GRM5: variants seen among roughly 807,000 people sequenced by gnomAD.
The protein encoded by GRM5 is glutamate metabotropic receptor 5.
GRM5 carries 19 observed loss-of-function variants against 83.1 expected under a neutral mutation model. The observed-to-expected ratio is 0.23, with a 90% confidence interval of 0.16 to 0.34. GRM5 has a LOEUF of 0.34. Ranked by LOEUF, GRM5 falls within the 10% of genes least tolerant of loss-of-function variation. The pLI is 1.00. For synonymous variants in GRM5, 675 were observed against 633.6 expected, an observed-to-expected ratio of 1.07 and a Z score of -0.98; for missense variants, 1,160 against 1,588.3, an observed-to-expected ratio of 0.73 and a Z score of 4.58.
intron 2 of GRM5, among the ~76,000 whole-genome samples, chr11:89,025,435 T>A (rs1477800036): frequency 6.6e-6 from 1 of 151,936 alleles, no homozygotes; most frequent in Admixed American, 6.6e-5. Context: ...ATAAGGAGAG[T>A]AGAGTCAATA....
chr11:88,934,870 C>A (rs976320926), intron 2 of GRM5, among the ~76,000 whole-genome samples: 8 of 151,786 alleles, frequency 5.3e-5, no homozygotes, highest in Non-Finnish European at 1.0e-4. Flanking sequence ...CTGAAAAACA[C>A]TGGACTATAG....
At chr11:88,787,507 C>A (rs1050865944) in intron 3 of GRM5, among the ~76,000 whole-genome samples, 13 of 151,930 alleles carry the variant, frequency 8.6e-5, no homozygotes, top group Non-Finnish European at 1.9e-4. Flanking sequence ...GGGGAAATGG[C>A]ATGATTTCCT....
At chr11:88,821,356 A>C (rs1338922208) in intron 3 of GRM5, among the ~76,000 whole-genome samples, 1 of 149,340 alleles carries the variant, frequency 6.7e-6, no homozygotes, top group Non-Finnish European at 1.5e-5. Flanking sequence ...AAAAAAAAAA[A>C]AAAAAAGAAA....
intron 3 of GRM5, among the ~76,000 whole-genome samples, chr11:88,829,234 G>T (rs1159392363): frequency 6.6e-6 from 1 of 152,178 alleles, no homozygotes; most frequent in Non-Finnish European, 1.5e-5. Context: ...GACAAGGCAG[G>T]CAGATCATTT....
chr11:88,514,744 G>T (rs534506850), intron 9 of GRM5, among the ~76,000 whole-genome samples: 22 of 152,252 alleles, frequency 1.4e-4, no homozygotes, highest in African/African-American at 4.3e-4. Context: ...ACTGAGGAAA[G>T]AAGTTTCAAG....
At chr11:88,725,274 T>C (rs918859034) in intron 3 of GRM5, among the ~76,000 whole-genome samples, 1 of 152,108 alleles carries the variant, frequency 6.6e-6, no homozygotes, top group Non-Finnish European at 1.5e-5. Context: ...ACCAGGAAGT[T>C]TGAACTGGGC....
At chr11:88,794,219 T>C (rs1018055526) in intron 3 of GRM5, among the ~76,000 whole-genome samples, 4 of 152,174 alleles carry the variant, frequency 2.6e-5, no homozygotes, top group Non-Finnish European at 5.9e-5. Context: ...ATCTCTCACC[T>C]GGACTAGTGC....
intron 4 of GRM5, among the ~76,000 whole-genome samples, chr11:88,623,139 G>A (rs1938687255): frequency 6.6e-6 from 1 of 152,068 alleles, no homozygotes; most frequent in South Asian, 2.1e-4. Flanking sequence ...AGTATGGAGT[G>A]CAATGGCACA....
chr11:88,829,847 T>C (rs1590891723), intron 3 of GRM5, among the ~76,000 whole-genome samples: 2 of 152,234 alleles, frequency 1.3e-5, no homozygotes, highest in East Asian at 1.9e-4. Flanking sequence ...TATTTGATTA[T>C]GTACAAGCAA....
At chr11:89,005,676 G>A (rs1178648910) in intron 2 of GRM5, among the ~76,000 whole-genome samples, 2 of 152,122 alleles carry the variant, frequency 1.3e-5, no homozygotes, top group African/African-American at 4.8e-5. Flanking sequence ...ATTTATATCT[G>A]TGCCTGGCAT....
intron 2 of GRM5, among the ~76,000 whole-genome samples, chr11:88,926,397 T>C (rs1333738354): frequency 6.6e-6 from 1 of 152,196 alleles, no homozygotes; most frequent in Non-Finnish European, 1.5e-5. Flanking sequence ...ACTTATTGCT[T>C]TAAAATGATA....
intron 5 of GRM5, 60 bp from the exon 6 acceptor site, chr11:88,597,412 G>A (rs1301421591): frequency 4.9e-5 from 44 of 892,874 alleles, no homozygotes; most frequent in Non-Finnish European, 7.0e-5. Context: ...GCTTTGAAAA[G>A]GCAATATATT....
chr11:88,531,052 T>C (rs1228105947), intron 8 of GRM5, among the ~76,000 whole-genome samples: 1 of 152,112 alleles, frequency 6.6e-6, no homozygotes, highest in Non-Finnish European at 1.5e-5. Flanking sequence ...TAGTTATAAA[T>C]GAAGCTAAAA....
intron 3 of GRM5, among the ~76,000 whole-genome samples, chr11:88,781,826 A>G (rs1470658478): frequency 6.6e-6 from 1 of 152,186 alleles, no homozygotes; most frequent in African/African-American, 2.4e-5. Context: ...TGACAAGCCA[A>G]CAAAGCTGAG....
chr11:88,727,960 A>C (rs1435691590), intron 3 of GRM5, among the ~76,000 whole-genome samples: 1 of 152,170 alleles, frequency 6.6e-6, no homozygotes, highest in Non-Finnish European at 1.5e-5. Context: ...CATCACAATT[A>C]AAAGAACTAG....
At chr11:88,810,429 A>G (rs933601870) in intron 3 of GRM5, among the ~76,000 whole-genome samples, 4 of 152,140 alleles carry the variant, frequency 2.6e-5, no homozygotes, top group Non-Finnish European at 5.9e-5. Flanking sequence ...GTAGCTACAC[A>G]AATATTACAT....
Position 88,799,889 on chromosome 11 carries a change from T to C in GRM5, c.911+50017A>G, listed in dbSNP as rs117603969. 1.7e-3 allele frequency among the ~76,000 whole-genome samples: 258 copies of C among 152,210 alleles called. 5 individuals are homozygous for C. In the East Asian group the frequency reaches 0.039, roughly 23 times the overall value. Reference sequence around the variant, plus strand: ...GTAAAGCACATATCAATAATCCCAATTGAAACAGTCTGGGCTTTGATCCCA... The same window carrying C: ...GTAAAGCACATATCAATAATCCCAACTGAAACAGTCTGGGCTTTGATCCCA... On this transcript the variant is annotated intron_variant, in intron 3 of 9. Transcript: ENST00000305447.
intron 4 of GRM5, among the ~76,000 whole-genome samples, chr11:88,630,473 G>T (rs11020716): frequency 0.7 from 105,172 of 151,304 alleles, 41,753 homozygotes; most frequent in Non-Finnish European, 0.9. Flanking sequence ...TCATATATTT[G>T]CCTTGTATTC....
intron 9 of GRM5, among the ~76,000 whole-genome samples, chr11:88,515,336 G>A (rs1941492739): frequency 6.6e-6 from 1 of 152,116 alleles, no homozygotes; most frequent in Admixed American, 6.6e-5. Flanking sequence ...ACTGGTATTA[G>A]TTGGTAAAGT....
Sources: gnomAD v4.1 joint callset for allele counts (sites outside exome capture counted in the v4.1 genomes callset) on GRCh38, gnomAD v4.1.1 for gene constraint, MANE v1.5 for transcripts, NCBI Gene and HGNC (gene_info 2026-07-23, HGNC 2026-07-21) for gene names.